Variants in TTC8 observed in about 807,000 individuals in gnomAD.
TTC8 encodes the protein tetratricopeptide repeat protein 8.
Under a neutral mutation model 72.5 loss-of-function variants are expected in TTC8, and 47 were observed. The observed-to-expected ratio is 0.65, with a 90% CI of 0.51 to 0.83. The LOEUF (loss-of-function observed/expected upper bound fraction) is 0.83, where lower values mean the gene tolerates loss of function less well. TTC8 is among the 40% of genes least tolerant of loss of function. The pLI is 0.00. For missense variants in TTC8, 611 were observed against 623.2 expected, an observed-to-expected ratio of 0.98 and a Z score of 0.21; for synonymous variants, 199 against 221.4, an observed-to-expected ratio of 0.90 and a Z score of 0.90.
rs747451819 is a variant in TTC8, at chr14:88,824,696, G to T, written c.-12G>T. ...CTGGAGCGCTGGGCCTTCGCTGGCC[G>T]CACCGGCAGCCATGAGCTCGGAGAT... On this transcript the variant is annotated 5_prime_UTR_variant, in exon 1 of 15. Transcript: ENST00000380656. 41 of 1,594,564 alleles carry T rather than the reference G, an allele frequency of 2.6e-5. No homozygotes were observed. The highest frequency in any genetic ancestry group is 3.2e-5 in the Non-Finnish European group (37 of 1,170,592).
At chr14:88,838,953 G>T (rs1212384387) in intron 2 of TTC8, among the ~76,000 whole-genome samples, 1 of 152,038 alleles carries the variant, frequency 6.6e-6, no homozygotes, top group African/African-American at 2.4e-5. Context: ...ATAAAAGTTT[G>T]CTAGAGTGTT....
At chr14:88,872,228 A>G (rs1026244968) in intron 12 of TTC8, 102 bp from the exon 13 acceptor site, 2 of 1,497,832 alleles carry the variant, frequency 1.3e-6, no homozygotes, top group African/African-American at 2.8e-5. Flanking sequence ...ATTGTATGGT[A>G]CTTGATGCTT....
chr14:88,832,307 C>A (rs535893824), intron 1 of TTC8, among the ~76,000 whole-genome samples: 11 of 152,330 alleles, frequency 7.2e-5, no homozygotes, highest in African/African-American at 2.6e-4. Flanking sequence ...TGGCAAATCA[C>A]AGCATCCAGT....
chr14:88,827,436 TTTTA>T (rs2094706643), intron 1 of TTC8, among the ~76,000 whole-genome samples: 1 of 152,182 alleles, frequency 6.6e-6, no homozygotes, highest in Non-Finnish European at 1.5e-5. Context: ...TTTTTATTTG[TTTTA>T]TTTGTTTGTT....
At chr14:88,828,068 T>G (rs2094709747) in intron 1 of TTC8, among the ~76,000 whole-genome samples, 1 of 152,206 alleles carries the variant, frequency 6.6e-6, no homozygotes, top group African/African-American at 2.4e-5. Context: ...TTGATGATCT[T>G]TGTCTTCCCC....
At chr14:88,847,317 A>C (rs1408721893) in intron 7 of TTC8, among the ~76,000 whole-genome samples, 3 of 152,200 alleles carry the variant, frequency 2.0e-5, no homozygotes, top group Admixed American at 2.0e-4. Flanking sequence ...CCTATAGCAA[A>C]CAAAACAAGA....
chr14:88,854,910 C>A (rs750201494), intron 8 of TTC8, among the ~76,000 whole-genome samples: 5 of 152,102 alleles, frequency 3.3e-5, no homozygotes, highest in Non-Finnish European at 5.9e-5. Flanking sequence ...TGGTCTTGAA[C>A]CCCTGGACTC....
At chr14:88,839,788 AACT>A (rs1395366018) in intron 3 of TTC8, among the ~76,000 whole-genome samples, 1 of 152,150 alleles carries the variant, frequency 6.6e-6, no homozygotes, top group Non-Finnish European at 1.5e-5. Flanking sequence ...AGTTATCTTA[AACT>A]TAAGGTATGA....
chr14:88,826,069 C>A (rs148018356), intron 1 of TTC8, among the ~76,000 whole-genome samples: 1 of 151,740 alleles, frequency 6.6e-6, no homozygotes, highest in African/African-American at 2.4e-5. Context: ...CTGTCTGCAA[C>A]CTCCGCCTCC....
intron 7 of TTC8, among the ~76,000 whole-genome samples, chr14:88,851,132 G>A (rs1490216511): frequency 6.6e-6 from 1 of 152,102 alleles, no homozygotes; most frequent in African/African-American, 2.4e-5. Flanking sequence ...GAGTCAGATT[G>A]GAAAATAGGC....
Position 88,871,600 on chromosome 14 carries a change from G to A in TTC8, c.1101G>A (p.Gly367=). The A allele has an allele frequency of 1.2e-6, 2 of 1,614,044 alleles. No individual in the cohort carries two copies. Among genetic ancestry groups the A allele is most frequent in the East Asian group, 2.2e-5 (1 of 44,870 alleles). ...IYNGQLFNNL[G]LCCFYAQQYD... is the part of the protein sequence containing the mutation. ...ACGGCCAGCTTTTTAACAATCTGGG[G>A]CTGTGTTGCTTCTATGCCCAGCAGT... is the stretch of plus-strand genomic sequence containing the variant. Residue 367 remains glycine, a synonymous_variant, in exon 12 of 15, where the codon GGG becomes GGA. Coordinates refer to ENST00000380656, the MANE Select transcript of TTC8 (RefSeq NM_144596.4). This position sits in a 1 kb window ranked among gnomAD's most constrained non-coding sequence, Gnocchi z 4.1.
At chr14:88,843,350 A>G (rs1201022523) in intron 6 of TTC8, among the ~76,000 whole-genome samples, 1 of 152,234 alleles carries the variant, frequency 6.6e-6, no homozygotes, top group Non-Finnish European at 1.5e-5. Flanking sequence ...TAGAGTTACT[A>G]TGAATACCAT....
chr14:88,837,040 A>G, intron 2 of TTC8: 1 of 275,880 alleles, frequency 3.6e-6, no homozygotes, highest in Non-Finnish European at 7.2e-6. Flanking sequence ...CAGCTTGGGC[A>G]ACAAGAGCAA....
chr14:88,859,038 T>C (rs1011044406), intron 9 of TTC8, among the ~76,000 whole-genome samples: 19 of 152,200 alleles, frequency 1.2e-4, no homozygotes, highest in Admixed American at 1.2e-3. Context: ...ATATGCTTTT[T>C]ATTTAACTCT....
rs1342636188 is a variant in TTC8 at position 88,830,785 on chromosome 14, GAGAGCGACCCAA to G, written c.115-2903_115-2892del. The G allele has an allele frequency of 6.7e-6, 3 of 450,516 alleles. No individual in the cohort carries two copies. In the Admixed American group the frequency reaches 7.1e-5, roughly 11 times the overall value. 27.9% of individuals were successfully genotyped at this position (450,516 alleles called of 1,614,324 possible). ...TAATTTAAATCACAGAACTACAACT[GAGAGCGACCCAA>G]AGAGGAAAGGCTCAGTGATTTTTAA... On this transcript the variant is annotated intron_variant, in intron 1 of 14. Coordinates refer to ENST00000380656, the MANE Select transcript of TTC8 (RefSeq NM_144596.4).
intron 13 of TTC8, 141 bp from the exon 14 acceptor site, chr14:88,874,885 G>A: frequency 1.7e-6 from 1 of 579,184 alleles, no homozygotes; most frequent in African/African-American, 1.9e-5. Context: ...CATGAGGAAT[G>A]TTGTCGGTAT....
intron 1 of TTC8, among the ~76,000 whole-genome samples, chr14:88,825,829 A>G (rs752637250): frequency 6.6e-6 from 1 of 152,210 alleles, no homozygotes; most frequent in Non-Finnish European, 1.5e-5. Context: ...ACCTGCTGAG[A>G]TGAACATTTT....
intron 2 of TTC8, 62 bp downstream of exon 2, chr14:88,833,784 G>A (rs907946648): frequency 6.7e-6 from 10 of 1,501,434 alleles, no homozygotes; most frequent in Middle Eastern, 1.7e-4. Flanking sequence ...TTGCTTAGTT[G>A]TTGCTATAGA....
At chr14:88,831,029 C>A in intron 1 of TTC8, 1 of 393,714 alleles carries the variant, frequency 2.5e-6, no homozygotes, top group South Asian at 1.8e-5. Context: ...GCCTCTATAC[C>A]TTTGAGGTAA....
Sources: allele counts gnomAD v4.1 joint callset (sites outside exome capture counted in the v4.1 genomes callset), GRCh38; gene constraint gnomAD v4.1.1; non-coding constraint Gnocchi (gnomAD v3.1); transcripts MANE v1.5; gene names NCBI Gene and HGNC (gene_info 2026-07-23, HGNC 2026-07-21).